TTN: variants seen among roughly 807,000 people sequenced by gnomAD.
The protein encoded by TTN is titin, also known as connectin.
In TTN, 1,525 loss-of-function variants were observed where a neutral mutation model predicts 3,223.0. The ratio of observed to expected loss-of-function variants is 0.47; its 90% CI spans 0.45 to 0.49. The LOEUF (loss-of-function observed/expected upper bound fraction) is 0.49. TTN is among the 20% of genes least tolerant of loss of function. TTN has a pLI of 0.00. For missense variants in TTN, 40,786 were observed against 43,424.0 expected (o/e 0.94, Z 5.40); for synonymous variants, 14,094 against 15,161.0 (o/e 0.93, Z 5.17).
chr2:178,572,357 C>T lies in TTN; in HGVS notation c.73775G>A (p.Arg24592Lys), dbSNP rs1381595456. ...GCCATATTCATTTTCTGCGAGAACC[C>T]TGAAATAGTAGCTACAGCCTTCTTG... ...QLQEGCSYYF[R>K]VLAENEYGIG... The change falls in exon 326 of 363, where the codon AGG becomes AAG. Residue 24592 changes from arginine (R) to lysine (K), a missense_variant. Arg to Lys is a conservative substitution (Grantham distance 26). Coordinates refer to ENST00000589042, the MANE Select transcript of TTN (RefSeq NM_001267550.2). The T allele has an allele frequency of 6.2e-7, 1 of 1,612,552 alleles. No individual in the cohort carries two copies. Among genetic ancestry groups the T allele is most frequent in the Non-Finnish European group, 8.5e-7 (1 of 1,178,842 alleles).
chr2:178,711,956 G>A lies in TTN; in HGVS notation c.27874C>T (p.Leu9292Phe). The change falls in exon 96 of 363, where the codon CTT (leucine) becomes TTT (phenylalanine). Residue 9292 changes from leucine (L) to phenylalanine (F), a missense_variant. Transcript: ENST00000589042. Reference sequence around the variant, plus strand: ...ATATTGCAATCACCTTGAACGGTAAGGAAAGTTGATGCAGAAACTTCTCCC... The same window carrying A: ...ATATTGCAATCACCTTGAACGGTAAAGAAAGTTGATGCAGAAACTTCTCCC... ...SVGEVSASTF[L>F]TVQEQKLPPS... The A allele has an allele frequency of 6.3e-7, 1 of 1,598,936 alleles. No homozygotes were observed. Among genetic ancestry groups the A allele is most frequent in the Non-Finnish European group, 8.5e-7 (1 of 1,171,600 alleles).
chr2:178,591,584 T>TA lies in TTN; in HGVS notation c.60220+14dup. 6.2e-7 allele frequency: 1 copy of TA among 1,608,534 alleles called. No individual in the cohort carries two copies. The highest frequency in any genetic ancestry group is 8.5e-7 in the Non-Finnish European group (1 of 1,178,486). ...TTAAAAAGAAATAAGGTAATACTGC[T>TA]AGTCCAAAAATTACCTAGTTTTTCT... is the stretch of plus-strand genomic sequence containing the variant. On this transcript the variant is annotated intron_variant, in intron 303 of 362. Coordinates refer to ENST00000589042, the MANE Select transcript of TTN (RefSeq NM_001267550.2).
At position 178,613,834 on chromosome 2, in the gene TTN, T is replaced by C. The variant is rs769061694; in HGVS notation, c.49449A>G (p.Thr16483=). 37 of 1,612,576 alleles carry C rather than the reference T, an allele frequency of 2.3e-5. No individual in the cohort carries two copies. The East Asian group carries it at 5.6e-4, about 24-fold the overall frequency. Residue 16483 remains threonine, a synonymous_variant, in exon 263 of 363, where the codon ACA becomes ACG. Transcript: ENST00000589042. ...GATCCAGTCTTTCAACCCAGTATCCTGTGATTGGGCTGCCACCATCATCAT... is the reference window on the plus strand; with the variant it reads ...GATCCAGTCTTTCAACCCAGTATCCCGTGATTGGGCTGCCACCATCATCAT... ...EPDDDGGSPI[T]GYWVERLDPD... is the part of the protein sequence containing the mutation.
Position 178,566,567 on chromosome 2 carries a change from T to C in TTN, c.79565A>G (p.Tyr26522Cys). Residue 26522 changes from tyrosine (Y) to cysteine (C), a missense_variant, in exon 326 of 363, where the codon TAT becomes TGT. Coordinates refer to ENST00000589042, the MANE Select transcript of TTN (RefSeq NM_001267550.2). ...ATCTGCTTTACAGATTTCTACTACA[T>C]ATCCCAAGATCTCACTGCCGCCATC... ...IYDGGSEILG[Y>C]VVEICKADEE... The C allele has an allele frequency of 6.2e-7, 1 of 1,613,066 alleles. No individual in the cohort carries two copies. The highest frequency in any genetic ancestry group is 8.5e-7 in the Non-Finnish European group (1 of 1,179,690).
intron 129 of TTN, 24 bp from the exon 130 acceptor site, chr2:178,685,013 A>G: frequency 6.4e-7 from 1 of 1,559,716 alleles, no homozygotes; most frequent in Non-Finnish European, 8.8e-7. Context: ...AGGTTTAAGA[A>G]TATGAGTTTG....
In TTN at chr2:178,768,136, C is replaced by A. The variant is rs773298764; in HGVS notation, c.9183G>T (p.Arg3061Ser). The A allele has an allele frequency of 6.2e-7, 1 of 1,613,984 alleles. No homozygotes were observed. Among genetic ancestry groups the A allele is most frequent in the Non-Finnish European group, 8.5e-7 (1 of 1,179,990 alleles). Residue 3061 changes from arginine to serine, a missense_variant, in exon 39 of 363, where the codon AGG (arginine) becomes AGT (serine). Physicochemically the swap from Arg to Ser is moderately radical, Grantham distance 110. Transcript: ENST00000589042. Reference sequence around the variant, plus strand: ...GTACCTTAATGTCCTTAATGTGTTTCCTAAATTCTATATGACGAGCTGGAA... The same window carrying A: ...GTACCTTAATGTCCTTAATGTGTTTACTAAATTCTATATGACGAGCTGGAA... ...LYVEARHIEF[R>S]KHIKDIKVLE...
In TTN at chr2:178,617,150, G is replaced by T; in HGVS notation, c.47845C>A (p.Leu15949Ile). Residue 15949 changes from leucine (L) to isoleucine (I), a missense_variant, in exon 255 of 363, where the codon CTT (leucine) becomes ATT (isoleucine). Physicochemically the swap from Leu to Ile is conservative, Grantham distance 5. Transcript: ENST00000589042. ...GCATCGTCAGCGGTGAGAGGACCAA[G>T]AATTTCAGATGGATCTGAAACACCA... ...KAGVSDPSEI[L>I]GPLTADDAFV... 6.2e-7 allele frequency: 1 copy of T among 1,607,738 alleles called. No individual in the cohort carries two copies. Among genetic ancestry groups the T allele is most frequent in the Non-Finnish European group, 8.5e-7 (1 of 1,176,852 alleles).
At position 178,566,135 on chromosome 2, in the gene TTN, T is replaced by C. The variant is rs766614271; in HGVS notation, c.79997A>G (p.Glu26666Gly). ...AGCAGACTTTGATCCACTGCTGTTT[T>C]CCAACTTAAGAATGTATTTTCCAGC... ...NDAGKYILKL[E>G]NSSGSKSAFV... Residue 26666 changes from glutamate (E) to glycine (G), a missense_variant, in exon 326 of 363, where the codon GAA (glutamate) becomes GGA (glycine). Physicochemically the swap from Glu to Gly is moderately conservative, Grantham distance 98. Transcript: ENST00000589042. 3.1e-6 allele frequency: 5 copies of C among 1,613,676 alleles called. No homozygotes were observed. In the East Asian group the frequency reaches 1.1e-4, roughly 36 times the overall value.
In TTN at chr2:178,584,649, T is replaced by C. The variant is rs2154179985; in HGVS notation, c.64972+20A>G. ...AAACTAGAAAGAAAACAACTTTTTT[T>C]CTCCTTCACAAAAACATACCAAATG... On this transcript the variant is annotated intron_variant, in intron 310 of 362. Transcript: ENST00000589042. 4 of 1,610,754 alleles carry C rather than the reference T, an allele frequency of 2.5e-6. No homozygotes were observed. Among genetic ancestry groups the C allele is most frequent in the Non-Finnish European group, 3.4e-6 (4 of 1,179,004 alleles).
rs72650041 is a variant in TTN, at chr2:178,679,842, C to A, written c.33580+52G>T. ...CCCCAGAATCTGACCAAATCAGACC[C>A]CCAAACTCCAAAGATGCTGTTGCAC... On this transcript the variant is annotated intron_variant, in intron 140 of 362. Transcript: ENST00000589042. The A allele has an allele frequency of 3.8e-3, 6,103 of 1,602,798 alleles. 221 individuals carry two copies. In the African/African-American group the frequency reaches 0.073, roughly 19 times the overall value.
Position 178,599,687 on chromosome 2 carries a change from G to C in TTN, c.56214C>G (p.Val18738=). ...AAGTATCATCTACCACCAGTTTGTT[G>C]ACATGGGTGTCATAGAGAACAGGTT... is the stretch of plus-strand genomic sequence containing the variant. ...NKEPVLYDTH[V]NKLVVDDTCT... is the part of the protein sequence containing the mutation. The change falls in exon 289 of 363, where the codon GTC becomes GTG. Residue 18738 remains valine, a synonymous_variant. Transcript: ENST00000589042. 1 of 1,613,058 alleles carries C rather than the reference G, an allele frequency of 6.2e-7. No individual in the cohort carries two copies. Among genetic ancestry groups the C allele is most frequent in the East Asian group, 2.2e-5 (1 of 44,758 alleles).
rs1234198921 is a variant in TTN at position 178,582,069 on chromosome 2, A to G, written c.66300T>C (p.Val22100=). The G allele has an allele frequency of 1.9e-6, 3 of 1,613,198 alleles. No individual in the cohort carries two copies. The highest frequency in any genetic ancestry group is 1.7e-5 in the Admixed American group (1 of 59,968). ...GTTTTCTGTTGACCTTAGTCCAGTT[A>G]ACAGCCTGGGTTTCCCGCTTTTCAA... ...YLLEKRETQA[V]NWTKVNRKPI... The change falls in exon 315 of 363, where the codon GTT becomes GTC. Residue 22100 remains valine (V), a synonymous_variant. Transcript: ENST00000589042.
At chr2:178,642,101 C>A in intron 219 of TTN, 136 bp downstream of exon 219, 2 of 613,832 alleles carry the variant, frequency 3.3e-6, no homozygotes, top group Non-Finnish European at 2.5e-6. Flanking sequence ...TCTTAATTTT[C>A]AATGAAACTA....
At position 178,743,370 on chromosome 2, in the gene TTN, G is replaced by A. The variant is rs528057348; in HGVS notation, c.11312-1449C>T. On this transcript the variant is annotated intron_variant, in intron 47 of 362. Transcript: ENST00000589042. Reference sequence around the variant, plus strand: ...TTAATATTTTGGGGTTTTATGTTACGTGCCATTGAGTCAGAAAATAAAAAA... The same window carrying A: ...TTAATATTTTGGGGTTTTATGTTACATGCCATTGAGTCAGAAAATAAAAAA... Among the ~76,000 whole-genome samples the A allele has an allele frequency of 1.1e-3, 171 of 151,894 alleles. 1 individual carries two copies. Among genetic ancestry groups the A allele is most frequent in the African/African-American group, 3.7e-3 (155 of 41,500 alleles).
intron 7 of TTN, 39 bp from the exon 8 acceptor site, chr2:178,794,590 G>A: frequency 6.2e-7 from 1 of 1,613,282 alleles, no homozygotes. Context: ...TTTTTTAAAT[G>A]ACATGCCCAG....
chr2:178,612,763 A>T lies in TTN; in HGVS notation c.49948+10T>A. On this transcript the variant is annotated intron_variant, in intron 265 of 362. Coordinates refer to ENST00000589042, the MANE Select transcript of TTN (RefSeq NM_001267550.2). ...GAATTTATATATCCCAGACATCAAG[A>T]GTGACTTACATAGCTTCTCCCGGCA... is the stretch of plus-strand genomic sequence containing the variant. 2 of 1,602,258 alleles carry T rather than the reference A, an allele frequency of 1.2e-6. No individual in the cohort carries two copies. Among genetic ancestry groups the T allele is most frequent in the Non-Finnish European group, 1.7e-6 (2 of 1,176,024 alleles).
chr2:178,732,468 C>T lies in TTN; in HGVS notation c.16593G>A (p.Val5531=), dbSNP rs1317735719. The T allele has an allele frequency of 6.2e-7, 1 of 1,611,352 alleles. No homozygotes were observed. The highest frequency in any genetic ancestry group is 1.7e-5 in the Admixed American group (1 of 59,826). ...TCKVSNVAGG[V]ECSANLFVKE... ...TTACAAACAAGTTTGCACTGCATTCCACCCCTCCAGCGACATTGCTGACTT... is the reference window on the plus strand; with the variant it reads ...TTACAAACAAGTTTGCACTGCATTCTACCCCTCCAGCGACATTGCTGACTT... Residue 5531 remains valine, a synonymous_variant, in exon 56 of 363, where the codon GTG becomes GTA. Transcript: ENST00000589042.
intron 43 of TTN, among the ~76,000 whole-genome samples, chr2:178,762,449 G>C (rs16866519): frequency 0.053 from 8,088 of 152,178 alleles, 356 homozygotes; most frequent in South Asian, 0.15. Context: ...GTCTTGTAGA[G>C]TGCTTCAGGT....
rs762859509 is a variant in TTN at position 178,528,570 on chromosome 2, G to C, written c.107181C>G (p.Gly35727=). The C allele has an allele frequency of 1.6e-5, 25 of 1,611,922 alleles. No individual in the cohort carries two copies. The highest frequency in any genetic ancestry group is 2.0e-5 in the Non-Finnish European group (23 of 1,178,772). ...ACCATTCGATTTCAGGGGATGGCTC[G>C]CCACTGATTTCACAAGTAAAGAGAA... The part of the protein sequence containing the change: ...QNVLFTCEIS[G]EPSPEIEWFK... Residue 35727 remains glycine, a synonymous_variant, in exon 360 of 363, where the codon GGC becomes GGG. Transcript: ENST00000589042.
Sources: allele counts gnomAD v4.1 joint callset (sites outside exome capture counted in the v4.1 genomes callset), GRCh38; gene constraint gnomAD v4.1.1; transcripts MANE v1.5; gene names NCBI Gene and HGNC (gene_info 2026-07-23, HGNC 2026-07-21).